Variants in CDC16 observed in about 807,000 individuals in gnomAD.
The protein encoded by CDC16 is cell division cycle protein 16 homolog.
Under a neutral mutation model 87.0 loss-of-function variants are expected in CDC16, and 34 were observed. That is an observed-to-expected ratio of 0.39 (90% CI 0.30 to 0.52). The LOEUF (loss-of-function observed/expected upper bound fraction) is 0.52. CDC16 is among the 20% of genes least tolerant of loss of function. The pLI is 0.74. For missense variants in CDC16, 653 were observed against 751.9 expected, an observed-to-expected ratio of 0.87 and a Z score of 1.54; for synonymous variants, 263 against 260.6, an observed-to-expected ratio of 1.01 and a Z score of -0.09.
At chr13:114,249,046 T>C (rs747855057) in intron 11 of CDC16, among the ~76,000 whole-genome samples, 7 of 151,854 alleles carry the variant, frequency 4.6e-5, no homozygotes, top group Non-Finnish European at 7.4e-5. Context: ...TATTATTACA[T>C]TGTAGCATAT....
At position 114,243,282 on chromosome 13, in the gene CDC16, C is replaced by G. The variant is rs766235975; in HGVS notation, c.567C>G (p.Pro189=). 6.4e-7 allele frequency: 1 copy of G among 1,565,474 alleles called. No homozygotes were observed. The highest frequency in any genetic ancestry group is 1.4e-5 in the African/African-American group (1 of 73,900). ...QEEKELLESL[P]LSKLCNEEQE... Reference sequence around the variant, plus strand: ...AAAAAGAACTTCTTGAATCACTACCCCTTAGCAAGCTGTGTAATGAAGAAC... The same window carrying G: ...AAAAAGAACTTCTTGAATCACTACCGCTTAGCAAGCTGTGTAATGAAGAAC... Residue 189 remains proline, a synonymous_variant, in exon 7 of 18, where the codon CCC becomes CCG. Transcript: ENST00000356221.
chr13:114,249,935 A>G (rs1232673447), intron 11 of CDC16, among the ~76,000 whole-genome samples: 1 of 151,714 alleles, frequency 6.6e-6, no homozygotes, highest in African/African-American at 2.4e-5. Flanking sequence ...AATCAACACA[A>G]ATGTTACATT....
intron 16 of CDC16, 120 bp downstream of exon 16, chr13:114,263,134 G>A (rs1204632943): frequency 3.0e-5 from 25 of 824,744 alleles, no homozygotes; most frequent in East Asian, 5.2e-5. Flanking sequence ...GCAACCTTAC[G>A]TGTTATTCTT....
At chr13:114,256,211 C>G (rs1485152060) in intron 12 of CDC16, among the ~76,000 whole-genome samples, 2 of 152,164 alleles carry the variant, frequency 1.3e-5, no homozygotes, top group Admixed American at 1.3e-4. Flanking sequence ...TTCCAAAGTT[C>G]TGAAAAAATT....
Position 114,272,233 on chromosome 13 carries a change from A to T in CDC16, c.1653A>T (p.Thr551=), listed in dbSNP as rs775042332. 21 of 1,604,308 alleles carry T rather than the reference A, an allele frequency of 1.3e-5. No individual in the cohort carries two copies. The highest frequency in any genetic ancestry group is 1.6e-5 in the Non-Finnish European group (19 of 1,171,796). ...AATGTTATGACTTTGATGTGCATAC[A>T]ATGAAGACACTAAAAAACATTATTT... is the stretch of plus-strand genomic sequence containing the variant. ...KLKCYDFDVH[T]MKTLKNIISP... The change falls in exon 18 of 18, where the codon ACA becomes ACT. Residue 551 remains threonine, a synonymous_variant. Coordinates refer to ENST00000356221, the MANE Select transcript of CDC16 (RefSeq NM_001078645.3).
intron 12 of CDC16, among the ~76,000 whole-genome samples, chr13:114,255,841 C>T (rs2082463359): frequency 6.6e-6 from 1 of 152,130 alleles, no homozygotes; most frequent in Admixed American, 6.6e-5. Context: ...TGGGGTCTCA[C>T]TGTGTGTCAT....
At chr13:114,258,793 A>G (rs2082661724) in intron 13 of CDC16, among the ~76,000 whole-genome samples, 1 of 148,872 alleles carries the variant, frequency 6.7e-6, no homozygotes, top group Admixed American at 7.7e-5. Context: ...GTACACAGTG[A>G]CTTTATAGAA....
chr13:114,235,202 G>A, intron 1 of CDC16, 70 bp downstream of exon 1: 1 of 1,083,448 alleles, frequency 9.2e-7, no homozygotes, highest in South Asian at 4.5e-5. Flanking sequence ...CGTGGGGCTG[G>A]GGTGACTGTT....
intron 17 of CDC16, among the ~76,000 whole-genome samples, chr13:114,267,259 A>C (rs2083286624): frequency 6.6e-6 from 1 of 152,048 alleles, no homozygotes; most frequent in Non-Finnish European, 1.5e-5. Context: ...AGGCTAAGGC[A>C]GGCAGATCAC....
chr13:114,247,115 G>T, intron 11 of CDC16, 111 bp downstream of exon 11: 369 of 547,274 alleles, frequency 6.7e-4, no homozygotes, highest in East Asian at 1.5e-3. Flanking sequence ...AAGAATAAAT[G>T]TTTTTTTTTT....
chr13:114,248,276 C>T (rs145138647), intron 11 of CDC16, among the ~76,000 whole-genome samples: 143 of 152,326 alleles, frequency 9.4e-4, no homozygotes, highest in African/African-American at 3.2e-3. Flanking sequence ...TGGTCTCTAA[C>T]GGAAACAGCA....
At chr13:114,238,504 A>T (rs1473948038) in intron 3 of CDC16, among the ~76,000 whole-genome samples, 1 of 149,730 alleles carries the variant, frequency 6.7e-6, no homozygotes, top group African/African-American at 2.5e-5. Flanking sequence ...CCTGAAGTGG[A>T]GCTGCTGCGA....
intron 10 of CDC16, 32 bp downstream of exon 10, chr13:114,246,081 T>A: frequency 3.6e-6 from 4 of 1,104,844 alleles, no homozygotes; most frequent in Non-Finnish European, 5.2e-6. Flanking sequence ...CTTAGTTTTT[T>A]TTTTTTTACC....
At chr13:114,240,504 C>G (rs7989142) in intron 5 of CDC16, among the ~76,000 whole-genome samples, 47,581 of 151,942 alleles carry the variant, frequency 0.31, 9,090 homozygotes, top group African/African-American at 0.54. Flanking sequence ...CCACTGTGCC[C>G]GGCACAGTTG....
intron 3 of CDC16, 131 bp from the exon 4 acceptor site, chr13:114,238,859 A>ATT: frequency 8.9e-7 from 1 of 1,128,288 alleles, no homozygotes; most frequent in Non-Finnish European, 1.2e-6. Context: ...ACAGGACTGG[A>ATT]TTTTTTTTTT....
At chr13:114,265,383 A>G in intron 17 of CDC16, 143 bp downstream of exon 17, 1 of 602,350 alleles carries the variant, frequency 1.7e-6, no homozygotes, top group Admixed American at 2.8e-5. Context: ...AAGAAACTCC[A>G]TTTATTTTAT....
At chr13:114,265,456 C>CT (rs2083143582) in intron 17 of CDC16, among the ~76,000 whole-genome samples, 1 of 152,188 alleles carries the variant, frequency 6.6e-6, no homozygotes, top group African/African-American at 2.4e-5. Context: ...AAGCTGAATA[C>CT]TTGCTAAGTG....
In CDC16 at chr13:114,238,993, T is replaced by C. The variant is rs1173883217; in HGVS notation, c.205T>C (p.Tyr69His). 6.8e-6 allele frequency: 11 copies of C among 1,611,130 alleles called. No homozygotes were observed. The highest frequency in any genetic ancestry group is 2.7e-5 in the African/African-American group (2 of 74,904). The part of the protein sequence containing the change: ...ALRSRKLDKL[Y>H]EACRYLAARC... ...AACAAATTAATTTCTTTCCTAGTTG[T>C]ATGAAGCATGTCGTTACCTTGCAGC... is the stretch of plus-strand genomic sequence containing the variant. The change falls in exon 4 of 18, where the codon TAT becomes CAT. Residue 69 changes from tyrosine (Y) to histidine (H), a missense_variant. Physicochemically the swap from Tyr to His is moderately conservative, Grantham distance 83 (BLOSUM62 2). Coordinates refer to ENST00000356221, the MANE Select transcript of CDC16 (RefSeq NM_001078645.3).
At position 114,262,456 on chromosome 13, in the gene CDC16, TC is replaced by T. The variant is rs370553873; in HGVS notation, c.1377-421del. ...ACAAAAGACTTTACAAGTCAAGTATTCCAGAGAACTTTAAGGAGCACTTTTC... is the reference window on the plus strand; with the variant it reads ...ACAAAAGACTTTACAAGTCAAGTATTCAGAGAACTTTAAGGAGCACTTTTC... On this transcript the variant is annotated intron_variant, in intron 15 of 17. Transcript: ENST00000356221. Among the ~76,000 whole-genome samples, 373 of 152,328 alleles carry T rather than the reference TC, an allele frequency of 2.4e-3. 1 individual carries two copies. Among genetic ancestry groups the T allele is most frequent in the African/African-American group, 8.8e-3 (365 of 41,580 alleles).
Sources: allele counts gnomAD v4.1 joint callset (sites outside exome capture counted in the v4.1 genomes callset), GRCh38; gene constraint gnomAD v4.1.1; transcripts MANE v1.5; gene names NCBI Gene and HGNC (gene_info 2026-07-23, HGNC 2026-07-21).